PPM1H: variants seen among roughly 807,000 people sequenced by gnomAD.
PPM1H encodes the protein protein phosphatase 1H.
Under a neutral mutation model 54.9 loss-of-function variants are expected in PPM1H, and 27 were observed. The ratio of observed to expected loss-of-function variants is 0.49; its 90% CI spans 0.36 to 0.68. PPM1H has a LOEUF of 0.68. Ranked by LOEUF, PPM1H falls within the 30% of genes least tolerant of loss-of-function variation. The pLI is 0.00. For missense variants in PPM1H, 596 were observed against 667.8 expected, an observed-to-expected ratio of 0.89 and a Z score of 1.19; for synonymous variants, 305 against 270.8, an observed-to-expected ratio of 1.13 and a Z score of -1.24.
At chr12:62,724,350 C>G (rs765820854) in intron 5 of PPM1H, among the ~76,000 whole-genome samples, 3 of 152,144 alleles carry the variant, frequency 2.0e-5, no homozygotes, top group Admixed American at 6.5e-5. Context: ...AGATTTCAGG[C>G]GCTTTGCCTC....
At chr12:62,772,621 A>G (rs2076585644) in intron 4 of PPM1H, among the ~76,000 whole-genome samples, 1 of 152,176 alleles carries the variant, frequency 6.6e-6, no homozygotes, top group South Asian at 2.1e-4. Context: ...ATCAGGCCAT[A>G]ACAGGAGGAA....
rs1872255278 is a variant in PPM1H at position 62,934,471 on chromosome 12, C to T, written c.245+21G>A. On this transcript the variant is annotated intron_variant, in intron 1 of 9. Transcript: ENST00000228705. This position sits in a 1 kb window ranked among gnomAD's most constrained non-coding sequence, Gnocchi z 4.2. ...AGGGCCGCGAGGAGAGCAGGGGCGC[C>T]GCCGGTGTCGCTGCACTCACTCTGC... 1.3e-6 allele frequency: 2 copies of T among 1,524,982 alleles called. No homozygotes were observed. The highest frequency in any genetic ancestry group is 2.5e-5 in the East Asian group (1 of 39,930). The allele number at this position is 1,524,982 out of a possible 1,614,324, so 94.5% of individuals were successfully genotyped here. A position where few individuals can be genotyped will look rare whatever the true frequency, so the allele number is the denominator to read the frequency against.
chr12:62,815,464 G>A (rs1363708673), intron 2 of PPM1H, among the ~76,000 whole-genome samples: 1 of 152,114 alleles, frequency 6.6e-6, no homozygotes, highest in Non-Finnish European at 1.5e-5. Context: ...TTGCTAAATT[G>A]CATTGTGATT....
At chr12:62,674,490 T>A (rs1742120619) in intron 8 of PPM1H, among the ~76,000 whole-genome samples, 1 of 152,226 alleles carries the variant, frequency 6.6e-6, no homozygotes, top group Non-Finnish European at 1.5e-5. Flanking sequence ...TGCAGCCCTA[T>A]AAACCAAGTA....
At position 62,693,927 on chromosome 12, in the gene PPM1H, C is replaced by G; in HGVS notation, c.1137+9G>C. ...GTCCTCTCTACCCAGGGGAAGCACACGTGCCTACCTTCTTGCCTTCTCCAT... is the reference window on the plus strand; with the variant it reads ...GTCCTCTCTACCCAGGGGAAGCACAGGTGCCTACCTTCTTGCCTTCTCCAT... On this transcript the variant is annotated intron_variant, in intron 7 of 9. Transcript: ENST00000228705. 6.2e-7 allele frequency: 1 copy of G among 1,610,462 alleles called. No individual in the cohort carries two copies. The highest frequency in any genetic ancestry group is 8.5e-7 in the Non-Finnish European group (1 of 1,178,264).
At chr12:62,848,352 C>T (rs1459625961) in intron 1 of PPM1H, among the ~76,000 whole-genome samples, 4 of 152,122 alleles carry the variant, frequency 2.6e-5, no homozygotes, top group Admixed American at 6.5e-5. Context: ...ACCAAATCAC[C>T]GTTAGATTCA....
intron 2 of PPM1H, among the ~76,000 whole-genome samples, chr12:62,825,087 T>G (rs1027897344): frequency 2.0e-5 from 3 of 151,438 alleles, no homozygotes; most frequent in Non-Finnish European, 4.4e-5. Flanking sequence ...GGATATGAAC[T>G]GACACTTCTT....
chr12:62,687,618 T>C (rs1354483608), intron 8 of PPM1H, among the ~76,000 whole-genome samples: 3 of 151,764 alleles, frequency 2.0e-5, no homozygotes, highest in Admixed American at 1.3e-4. Context: ...CTGACCAAAA[T>C]AGTCTTTGTT....
chr12:62,651,719 A>G (rs1479832406), intron 9 of PPM1H, among the ~76,000 whole-genome samples: 1 of 152,196 alleles, frequency 6.6e-6, no homozygotes, highest in East Asian at 1.9e-4. Context: ...TTGCTTTCTC[A>G]ATTTATTACT....
At chr12:62,649,854 C>T (rs1344762074) in intron 9 of PPM1H, among the ~76,000 whole-genome samples, 2 of 152,224 alleles carry the variant, frequency 1.3e-5, no homozygotes, top group African/African-American at 4.8e-5. Flanking sequence ...TAATGAATCT[C>T]TTTTCTGTAT....
intron 1 of PPM1H, among the ~76,000 whole-genome samples, chr12:62,907,509 A>G (rs771989): frequency 0.66 from 100,095 of 151,872 alleles, 33,678 homozygotes; most frequent in African/African-American, 0.72. Context: ...TACTGGGACT[A>G]CCTGTCAGCG....
At chr12:62,789,962 G>A (rs1433998218) in intron 3 of PPM1H, among the ~76,000 whole-genome samples, 1 of 152,228 alleles carries the variant, frequency 6.6e-6, no homozygotes, top group African/African-American at 2.4e-5. Context: ...TCTTCCAGTG[G>A]TAATCTACTA....
chr12:62,720,586 GT>G, intron 5 of PPM1H: 1 of 340,558 alleles, frequency 2.9e-6, no homozygotes, highest in Middle Eastern at 1.0e-3. Flanking sequence ...TGGCTTTTTA[GT>G]TTTCCAAATG....
chr12:62,721,157 T>A (rs1250764913), intron 5 of PPM1H: 1 of 152,314 alleles, frequency 6.6e-6, no homozygotes. Context: ...AAGCAAGGGA[T>A]CTCTGCCACC....
chr12:62,881,304 G>C (rs1330993022), intron 1 of PPM1H, among the ~76,000 whole-genome samples: 1 of 152,162 alleles, frequency 6.6e-6, no homozygotes, highest in Non-Finnish European at 1.5e-5. Context: ...AGGTGCTGCT[G>C]TGAAGGGATT....
chr12:62,783,447 C>T (rs563145066), intron 4 of PPM1H, among the ~76,000 whole-genome samples: 54 of 152,290 alleles, frequency 3.5e-4, no homozygotes, highest in Admixed American at 8.5e-4. Context: ...AAAACAAAAC[C>T]TCTGTGAGTT....
At chr12:62,659,255 A>T (rs2075866496) in intron 9 of PPM1H, 1 of 448,790 alleles carries the variant, frequency 2.2e-6, no homozygotes, top group African/African-American at 2.2e-5. Flanking sequence ...TGTTCTAAAA[A>T]ACCGTAAAAA....
At chr12:62,650,617 TTTAA>T (rs1447907119) in intron 9 of PPM1H, among the ~76,000 whole-genome samples, 1 of 151,976 alleles carries the variant, frequency 6.6e-6, no homozygotes, top group African/African-American at 2.4e-5. Context: ...GCAAAAGAGG[TTTAA>T]TTGTCTCACA....
chr12:62,829,098 T>C (rs1467864580), intron 2 of PPM1H, among the ~76,000 whole-genome samples: 9 of 152,148 alleles, frequency 5.9e-5, no homozygotes, highest in Admixed American at 5.9e-4. Context: ...CTCCTCTAGA[T>C]ATATAGCCAA....
Sources: gnomAD v4.1 joint callset for allele counts (sites outside exome capture counted in the v4.1 genomes callset) on GRCh38, gnomAD v4.1.1 for gene constraint, Gnocchi (gnomAD v3.1) non-coding constraint, MANE v1.5 for transcripts, NCBI Gene and HGNC (gene_info 2026-07-23, HGNC 2026-07-21) for gene names.